The following MGA variants were observed in gnomAD, a reference collection of about 807,000 sequenced individuals.
MGA encodes the protein MAX dimerization protein MGA, also known as MAX gene-associated protein.
A neutral mutation model predicts 261.1 loss-of-function variants in MGA; 40 were observed. That is an observed-to-expected ratio of 0.15 (90% CI 0.12 to 0.20). The LOEUF (loss-of-function observed/expected upper bound fraction) is 0.20, where lower values mean the gene tolerates loss of function less well. MGA is among the 10% of genes least tolerant of loss of function. The probability of loss-of-function intolerance (pLI) is 1.00; values close to 1 mark genes in which losing one functional copy is unlikely to be tolerated. For synonymous variants in MGA, 1,302 were observed against 1,290.6 expected (o/e 1.01, Z -0.19); for missense variants, 3,397 against 3,630.5 (o/e 0.94, Z 1.65).
At chr15:41,751,501 A>T (rs1225530508) in intron 17 of MGA, 4 of 152,152 alleles carry the variant, frequency 2.6e-5, no homozygotes, top group Non-Finnish European at 5.9e-5. Flanking sequence ...AGGTGGGTGG[A>T]TCACCTGACG....
intron 2 of MGA, among the ~76,000 whole-genome samples, chr15:41,682,110 T>G (rs956374481): frequency 6.6e-6 from 1 of 151,870 alleles, no homozygotes; most frequent in Non-Finnish European, 1.5e-5. Flanking sequence ...AGAGATGAGG[T>G]TTCTCCATGT....
chr15:41,641,001 A>G (rs951761913), intron 1 of MGA, among the ~76,000 whole-genome samples: 7 of 152,134 alleles, frequency 4.6e-5, no homozygotes, highest in Non-Finnish European at 1.0e-4. Context: ...TTTCTCCCCC[A>G]GTCTTCCCAG....
chr15:41,710,477 G>A (rs2060335711), intron 7 of MGA, among the ~76,000 whole-genome samples: 1 of 151,994 alleles, frequency 6.6e-6, no homozygotes, highest in African/African-American at 2.4e-5. Context: ...ACGTTACTTA[G>A]GCTGGTCTTG....
chr15:41,656,277 T>C (rs1018243844), upstream of MGA, among the ~76,000 whole-genome samples: 1 of 151,694 alleles, frequency 6.6e-6, no homozygotes, highest in Non-Finnish European at 1.5e-5. Context: ...GGAACGTGGT[T>C]ATGTGGGCTT....
chr15:41,687,550 T>C (rs1327149134), intron 2 of MGA, among the ~76,000 whole-genome samples: 1 of 152,226 alleles, frequency 6.6e-6, no homozygotes, highest in African/African-American at 2.4e-5. Flanking sequence ...TAATTGATTT[T>C]AGACTTTTTC....
chr15:41,741,085 A>G (rs1055578400), intron 14 of MGA, among the ~76,000 whole-genome samples: 1 of 152,126 alleles, frequency 6.6e-6, no homozygotes, highest in African/African-American at 2.4e-5. Flanking sequence ...GCGGTGGCTC[A>G]CTCCTGTAAT....
At chr15:41,624,239 A>T (rs1027717475) in intron 1 of MGA, among the ~76,000 whole-genome samples, 24 of 138,522 alleles carry the variant, frequency 1.7e-4, no homozygotes, top group African/African-American at 6.1e-4. Flanking sequence ...TAATTTTTGT[A>T]TTTTTTTTTT....
chr15:41,651,651 CTCCCTTCCCCCT>C (rs2057050878), intron 1 of MGA, among the ~76,000 whole-genome samples: 8 of 125,638 alleles, frequency 6.4e-5, no homozygotes, highest in Admixed American at 1.6e-4. Context: ...CCCCTCTCCT[CTCCCTTCCCCCT>C]TCTCCTCCCC....
chr15:41,718,492 C>A, intron 9 of MGA: 1 of 627,054 alleles, frequency 1.6e-6, no homozygotes, highest in Non-Finnish European at 2.9e-6. Flanking sequence ...GCTTTCTGAT[C>A]AATCTTGCAC....
rs2062743833 is a variant in MGA at position 41,749,977 on chromosome 15, G to A, written c.6370G>A (p.Glu2124Lys). ...ACAGCAGAAAGGATTTGACAATCCA[G>A]AAGAAAACTCAAGTGAATTTCCAGT... Residue 2124 changes from glutamate (E) to lysine (K), a missense_variant, in exon 17 of 24, where the codon GAA (glutamate) becomes AAA (lysine). This residue lies in a region of MGA where 1,410 missense variants were observed against 1,386.4 expected (regional missense o/e 1.02). Coordinates refer to ENST00000219905, the MANE Select transcript of MGA (RefSeq NM_001164273.2). 1 of 1,612,544 alleles carries A rather than the reference G, an allele frequency of 6.2e-7. No individual in the cohort carries two copies. The highest frequency in any genetic ancestry group is 1.1e-5 in the South Asian group (1 of 90,886).
At chr15:41,754,962 A>C (rs1414664124) in intron 18 of MGA, among the ~76,000 whole-genome samples, 1 of 152,216 alleles carries the variant, frequency 6.6e-6, no homozygotes, top group East Asian at 1.9e-4. Context: ...AACTGATATA[A>C]GTGGACTACT....
intron 2 of MGA, among the ~76,000 whole-genome samples, chr15:41,678,930 AT>A (rs2058526079): frequency 6.6e-6 from 1 of 152,170 alleles, no homozygotes; most frequent in South Asian, 2.1e-4. Context: ...GTGTCACATT[AT>A]TTTGATTACT....
intron 1 of MGA, among the ~76,000 whole-genome samples, chr15:41,633,259 C>T (rs907192083): frequency 1.8e-4 from 27 of 151,780 alleles, no homozygotes; most frequent in Admixed American, 1.2e-3. Flanking sequence ...CTGGTAGCCA[C>T]CTGTTAAGGG....
chr15:41,652,427 G>T (rs1226282071), intron 1 of MGA, among the ~76,000 whole-genome samples: 1 of 150,608 alleles, frequency 6.6e-6, no homozygotes. Flanking sequence ...GTGTAGTGGT[G>T]CAGTCATAGT....
At position 41,713,330 on chromosome 15, in the gene MGA, A is replaced by C; in HGVS notation, c.3264A>C (p.Val1088=). ...GTACTTGTTTGAAAAGAAAAGTTGT[A>C]CTTGTTAAAGGAGGATCCAAAACTA... The change falls in exon 9 of 24, where the codon GTA becomes GTC. Residue 1088 remains valine, a synonymous_variant. Coordinates refer to ENST00000219905, the MANE Select transcript of MGA (RefSeq NM_001164273.2). The C allele has an allele frequency of 6.2e-7, 1 of 1,613,956 alleles. No homozygotes were observed. Among genetic ancestry groups the C allele is most frequent in the Non-Finnish European group, 8.5e-7 (1 of 1,179,882 alleles).
intron 2 of MGA, among the ~76,000 whole-genome samples, chr15:41,689,410 T>G (rs2151199423): frequency 6.6e-6 from 1 of 150,796 alleles, no homozygotes; most frequent in South Asian, 2.1e-4. Context: ...CTCCCTCTCT[T>G]TCTCCTCTTT....
rs896859678 is a variant in MGA at position 41,711,232 on chromosome 15, T to C, written c.2967T>C (p.Ser989=). The C allele has an allele frequency of 6.2e-7, 1 of 1,614,044 alleles. No homozygotes were observed. Among genetic ancestry groups the C allele is most frequent in the Admixed American group, 1.7e-5 (1 of 60,020 alleles). The change falls in exon 8 of 24, where the codon TCT becomes TCC. Residue 989 remains serine, a synonymous_variant. Coordinates refer to ENST00000219905, the MANE Select transcript of MGA (RefSeq NM_001164273.2). ...AGGGAAGTCGCCCTCCAGGCTTGTCTAAATCTCAGGTGAAGCTAATGGACC... is the reference window on the plus strand; with the variant it reads ...AGGGAAGTCGCCCTCCAGGCTTGTCCAAATCTCAGGTGAAGCTAATGGACC...
chr15:41,649,042 T>C (rs534148221), intron 1 of MGA, among the ~76,000 whole-genome samples: 1 of 152,122 alleles, frequency 6.6e-6, no homozygotes, highest in Non-Finnish European at 1.5e-5. Context: ...AGTGCTTCTA[T>C]GTGCAAGGTA....
intron 9 of MGA, among the ~76,000 whole-genome samples, chr15:41,724,071 C>G (rs2061097101): frequency 6.6e-6 from 1 of 151,620 alleles, no homozygotes. Flanking sequence ...TTTATGGAGG[C>G]TTAGAAAATC....
Sources: gnomAD v4.1 joint callset for allele counts (sites outside exome capture counted in the v4.1 genomes callset) on GRCh38, gnomAD v4.1.1 for gene constraint, gnomAD v4.1.1 regional missense constraint, MANE v1.5 for transcripts, NCBI Gene and HGNC (gene_info 2026-07-23, HGNC 2026-07-21) for gene names.